Variants in VTI1A observed in about 807,000 individuals in gnomAD.
The protein encoded by VTI1A is vesicle transport through interaction with t-SNAREs 1A.
In VTI1A, 22 loss-of-function variants were observed where a neutral mutation model predicts 34.9. That is an observed-to-expected ratio of 0.63 (90% CI 0.45 to 0.90). The LOEUF is 0.90. VTI1A is among the 40% of genes least tolerant of loss of function. The pLI is 0.00. For synonymous variants in VTI1A, 87 were observed against 97.3 expected, an observed-to-expected ratio of 0.89 and a Z score of 0.62; for missense variants, 268 against 275.6, an observed-to-expected ratio of 0.97 and a Z score of 0.20.
chr10:112,624,074 A>C (rs1262162060), intron 5 of VTI1A, among the ~76,000 whole-genome samples: 4 of 152,240 alleles, frequency 2.6e-5, no homozygotes, highest in African/African-American at 9.6e-5. Flanking sequence ...ATATGAACTT[A>C]GGGGCTCAGG....
At chr10:112,747,544 G>C (rs140378279) in intron 7 of VTI1A, among the ~76,000 whole-genome samples, 1 of 152,184 alleles carries the variant, frequency 6.6e-6, no homozygotes, top group Non-Finnish European at 1.5e-5. Flanking sequence ...TATAGTTTCC[G>C]TTGTTGACCA....
chr10:112,776,476 G>A (rs749919229), intron 7 of VTI1A, among the ~76,000 whole-genome samples: 24 of 152,174 alleles, frequency 1.6e-4, no homozygotes, highest in Middle Eastern at 3.4e-3. Flanking sequence ...GAAACAAGAT[G>A]GTTATGAGCA....
intron 4 of VTI1A, among the ~76,000 whole-genome samples, chr10:112,527,806 G>GGAC (rs1850288941): frequency 6.6e-6 from 1 of 151,898 alleles, no homozygotes; most frequent in African/African-American, 2.4e-5. Context: ...CTTCTTAAAA[G>GGAC]AGCTTTACAA....
At chr10:112,677,179 C>T (rs143042008) in intron 7 of VTI1A, among the ~76,000 whole-genome samples, 5 of 152,102 alleles carry the variant, frequency 3.3e-5, no homozygotes, top group Admixed American at 6.5e-5. Context: ...CAGAAGAATC[C>T]GAGAGCTTTT....
chr10:112,744,783 C>A (rs375455023), intron 7 of VTI1A, among the ~76,000 whole-genome samples: 1 of 152,120 alleles, frequency 6.6e-6, no homozygotes, highest in Non-Finnish European at 1.5e-5. Context: ...AGCTGTGCAT[C>A]GACATCCCTC....
At chr10:112,655,844 C>T (rs915543537) in intron 5 of VTI1A, among the ~76,000 whole-genome samples, 1 of 152,058 alleles carries the variant, frequency 6.6e-6, no homozygotes, top group Admixed American at 6.6e-5. Context: ...CTATCTGTGC[C>T]CCATATCTAG....
intron 1 of VTI1A, among the ~76,000 whole-genome samples, chr10:112,455,654 C>T (rs948946317): frequency 3.6e-5 from 4 of 110,028 alleles, no homozygotes; most frequent in Admixed American, 8.9e-5. Context: ...TTCTCCCCTC[C>T]CTCCCTTCCT....
Position 112,474,781 on chromosome 10 carries a change from G to A in VTI1A, c.264+10124G>A, listed in dbSNP as rs115929014. Reference sequence around the variant, plus strand: ...CTGCATTCAGTTTCTTAAAAAGTTGGTTCTCCATTACTAAGGCTCTGCTAG... The same window carrying A: ...CTGCATTCAGTTTCTTAAAAAGTTGATTCTCCATTACTAAGGCTCTGCTAG... On this transcript the variant is annotated intron_variant, in intron 3 of 7. Coordinates refer to ENST00000393077, the MANE Select transcript of VTI1A (RefSeq NM_145206.4). Among the ~76,000 whole-genome samples the A allele has an allele frequency of 6.8e-3, 1,033 of 152,252 alleles. 11 individuals are homozygous for A. The highest frequency in any genetic ancestry group is 0.023 in the African/African-American group (964 of 41,558).
chr10:112,788,711 T>C (rs1177615140), intron 7 of VTI1A, among the ~76,000 whole-genome samples: 1 of 152,194 alleles, frequency 6.6e-6, no homozygotes, highest in Non-Finnish European at 1.5e-5. Context: ...TTTTGCTATT[T>C]GTTTTCTATA....
At chr10:112,851,769 G>A in the VTI1A span, among the ~76,000 whole-genome samples, 1 of 152,088 alleles carries the variant, frequency 6.6e-6, no homozygotes, top group South Asian at 2.1e-4. Flanking sequence ...AGAACTGTAG[G>A]GAACCTTTCC....
the VTI1A span, among the ~76,000 whole-genome samples, chr10:112,838,678 C>T: frequency 1.2e-4 from 19 of 152,072 alleles, no homozygotes; most frequent in African/African-American, 1.9e-4. Flanking sequence ...GCACAGAAGA[C>T]GCTGGAGGGG....
intron 5 of VTI1A, among the ~76,000 whole-genome samples, chr10:112,603,386 AG>A (rs1317992031): frequency 6.6e-6 from 1 of 152,186 alleles, no homozygotes; most frequent in Non-Finnish European, 1.5e-5. Flanking sequence ...AGAGGTAGGA[AG>A]GGTTTTGTTT....
intron 3 of VTI1A, among the ~76,000 whole-genome samples, chr10:112,501,142 C>A (rs978868094): frequency 2.6e-5 from 4 of 152,146 alleles, no homozygotes; most frequent in Non-Finnish European, 4.4e-5. Context: ...CAATGTCTGG[C>A]ATACACAGCT....
the VTI1A span, among the ~76,000 whole-genome samples, chr10:112,847,580 C>A: frequency 6.6e-6 from 1 of 152,180 alleles, no homozygotes; most frequent in African/African-American, 2.4e-5. Flanking sequence ...ATCACTCAAC[C>A]TTTCCCTGTT....
Position 112,816,640 on chromosome 10 carries a change from C to A in VTI1A, c.*1257C>A, listed in dbSNP as rs1053065836. The A allele has an allele frequency of 4.4e-6, 1 of 227,134 alleles. No homozygotes were observed. The highest frequency in any genetic ancestry group is 6.3e-5 in the East Asian group (1 of 15,782). 14.1% of individuals were successfully genotyped at this position (227,134 alleles called of 1,614,324 possible). ...TGCCCAAGCTGAGGTCGTTTCCCCCCAGTCACAAAGCAGAATGTTTTTCTC... is the reference window on the plus strand; with the variant it reads ...TGCCCAAGCTGAGGTCGTTTCCCCCAAGTCACAAAGCAGAATGTTTTTCTC... On this transcript the variant is annotated 3_prime_UTR_variant, in exon 8 of 8. Coordinates refer to ENST00000393077, the MANE Select transcript of VTI1A (RefSeq NM_145206.4).
chr10:112,760,038 C>T (rs1036091492), intron 7 of VTI1A, among the ~76,000 whole-genome samples: 2 of 152,126 alleles, frequency 1.3e-5, no homozygotes, highest in African/African-American at 4.8e-5. Flanking sequence ...TGCAAATAGC[C>T]AGAAATGAAG....
intron 3 of VTI1A, among the ~76,000 whole-genome samples, chr10:112,471,642 A>T (rs1848088323): frequency 6.6e-6 from 1 of 152,112 alleles, no homozygotes; most frequent in South Asian, 2.1e-4. Context: ...TTCCATAAAA[A>T]TGTATTTAAT....
chr10:112,854,133 A>C, the VTI1A span, among the ~76,000 whole-genome samples: 1 of 152,164 alleles, frequency 6.6e-6, no homozygotes, highest in Non-Finnish European at 1.5e-5. Flanking sequence ...CACTGTTCAC[A>C]TGGACAGAGT....
the VTI1A span, among the ~76,000 whole-genome samples, chr10:112,830,849 A>ATATATATATT: frequency 2.7e-4 from 9 of 33,498 alleles, no homozygotes; most frequent in African/African-American, 1.0e-3. Flanking sequence ...ATATATATAT[A>ATATATATATT]TTTTTTTTTT....
Sources: allele counts gnomAD v4.1 joint callset (sites outside exome capture counted in the v4.1 genomes callset), GRCh38; gene constraint gnomAD v4.1.1; transcripts MANE v1.5; gene names NCBI Gene and HGNC (gene_info 2026-07-23, HGNC 2026-07-21).